NLGN4X: variants seen among roughly 807,000 people sequenced by gnomAD.
The protein encoded by NLGN4X is neuroligin 4 X-linked.
A neutral mutation model predicts 40.3 loss-of-function variants in NLGN4X; 3 were observed. The observed-to-expected ratio is 0.07, with a 90% confidence interval of 0.03 to 0.19. The LOEUF (loss-of-function observed/expected upper bound fraction) is 0.19, where lower values mean the gene tolerates loss of function less well. Among genes scored for constraint, NLGN4X ranks in the 10% least tolerant of loss-of-function variants. The pLI is 1.00. For missense variants in NLGN4X, 382 were observed against 708.3 expected, an observed-to-expected ratio of 0.54 and a Z score of 5.23; for synonymous variants, 270 against 306.8, an observed-to-expected ratio of 0.88 and a Z score of 1.25.
At chrX:6,040,486 A>G (rs865863308) in intron 2 of NLGN4X, among the ~76,000 whole-genome samples, 3 of 106,122 alleles carry the variant, frequency 2.8e-5, no homozygotes, top group Non-Finnish European at 5.9e-5. Flanking sequence ...TTAAAAAAAA[A>G]GGATTACTTA....
intron 3 of NLGN4X, among the ~76,000 whole-genome samples, chrX:6,026,301 T>C (rs983859450): frequency 7.2e-5 from 8 of 111,786 alleles, no homozygotes; most frequent in African/African-American, 2.6e-4. Context: ...ATAACATTTA[T>C]GCATTTATGA....
At chrX:6,219,432 CTCT>C (rs773817441) in intron 1 of NLGN4X, among the ~76,000 whole-genome samples, 7 of 83,253 alleles carry the variant, frequency 8.4e-5, no homozygotes, top group East Asian at 3.8e-4. Context: ...CTTCCTTTTT[CTCT>C]TCTTTCTTTC....
At chrX:5,918,339 A>G (rs1175595989) in intron 3 of NLGN4X, among the ~76,000 whole-genome samples, 2 of 112,160 alleles carry the variant, frequency 1.8e-5, no homozygotes, top group African/African-American at 6.5e-5. Context: ...CAACTTATAC[A>G]ACACTATATT....
intron 3 of NLGN4X, among the ~76,000 whole-genome samples, chrX:6,007,715 G>C (rs2036138861): frequency 9.0e-6 from 1 of 111,721 alleles, no homozygotes; most frequent in Non-Finnish European, 1.9e-5. Flanking sequence ...GGAATGGATA[G>C]AAGCTAGATA....
At chrX:6,159,719 G>C (rs1255575896) in intron 1 of NLGN4X, among the ~76,000 whole-genome samples, 1 of 111,634 alleles carries the variant, frequency 9.0e-6, no homozygotes, top group Non-Finnish European at 1.9e-5. Context: ...GAGGGCTTGT[G>C]CCAGTGACCT....
intron 2 of NLGN4X, among the ~76,000 whole-genome samples, chrX:6,126,626 C>T (rs2039554079): frequency 8.9e-6 from 1 of 111,756 alleles, no homozygotes. Flanking sequence ...TGCTCAAAGT[C>T]TTTAATAAAG....
intron 2 of NLGN4X, among the ~76,000 whole-genome samples, chrX:6,046,228 T>C (rs1347210570): frequency 9.0e-6 from 1 of 111,703 alleles, no homozygotes; most frequent in East Asian, 2.8e-4. Flanking sequence ...TCGATACCTC[T>C]TCAAAATAAT....
intron 1 of NLGN4X, among the ~76,000 whole-genome samples, chrX:6,194,526 C>A (rs1003658400): frequency 9.0e-6 from 1 of 111,348 alleles, no homozygotes; most frequent in Non-Finnish European, 1.9e-5. Flanking sequence ...CACTCAATAC[C>A]CTTCTGGGCT....
chrX:6,091,089 G>C (rs1443318965), intron 2 of NLGN4X, among the ~76,000 whole-genome samples: 4 of 109,888 alleles, frequency 3.6e-5, no homozygotes, highest in Non-Finnish European at 7.6e-5. Context: ...TGGTAGAGAG[G>C]GAGGAATAGT....
chrX:6,018,656 ACCTG>A (rs950677741), intron 3 of NLGN4X, among the ~76,000 whole-genome samples: 1 of 111,923 alleles, frequency 8.9e-6, no homozygotes, highest in Non-Finnish European at 1.9e-5. Context: ...TGTTTATCAT[ACCTG>A]CCTGTTTATG....
At chrX:5,964,142 G>T (rs1203564987) in intron 3 of NLGN4X, among the ~76,000 whole-genome samples, 1 of 111,538 alleles carries the variant, frequency 9.0e-6, no homozygotes, top group Non-Finnish European at 1.9e-5. Flanking sequence ...GTTCAGGGAA[G>T]ACTATCAACA....
chrX:6,045,849 G>A (rs1159052999), intron 2 of NLGN4X, among the ~76,000 whole-genome samples: 1 of 111,169 alleles, frequency 9.0e-6, no homozygotes, highest in African/African-American at 3.3e-5. Context: ...CAGACTCGAA[G>A]CCTATATGTT....
intron 3 of NLGN4X, among the ~76,000 whole-genome samples, chrX:5,927,764 A>C (rs1304912439): frequency 8.9e-6 from 1 of 112,176 alleles, no homozygotes; most frequent in Non-Finnish European, 1.9e-5. Flanking sequence ...TGCTTGACTA[A>C]GTCTTCCACC....
intron 3 of NLGN4X, among the ~76,000 whole-genome samples, chrX:5,915,533 C>A (rs1476286317): frequency 8.9e-6 from 1 of 112,005 alleles, no homozygotes; most frequent in Admixed American, 9.5e-5. Context: ...CTCTTTGAGT[C>A]AACTTTGAGT....
At chrX:6,172,649 G>A (rs1408350036) in intron 1 of NLGN4X, among the ~76,000 whole-genome samples, 1 of 111,476 alleles carries the variant, frequency 9.0e-6, no homozygotes, top group Non-Finnish European at 1.9e-5. Context: ...ACCTCCAGAT[G>A]ATTCTTTTTT....
chrX:6,159,421 G>A (rs1332051057), intron 1 of NLGN4X, among the ~76,000 whole-genome samples: 1 of 112,062 alleles, frequency 8.9e-6, no homozygotes, highest in Non-Finnish European at 1.9e-5. Context: ...ATTTTACAAT[G>A]AAAATTTAAT....
At chrX:6,138,728 G>A (rs1435493673) in intron 2 of NLGN4X, among the ~76,000 whole-genome samples, 3 of 110,764 alleles carry the variant, frequency 2.7e-5, no homozygotes, top group Non-Finnish European at 3.8e-5. Context: ...GTTAATGAAC[G>A]GGAAAATACT....
At chrX:6,166,745 TC>T (rs931781298) in intron 1 of NLGN4X, among the ~76,000 whole-genome samples, 3 of 110,572 alleles carry the variant, frequency 2.7e-5, no homozygotes, top group African/African-American at 9.9e-5. Flanking sequence ...GCTGTTCTCT[TC>T]CCTTGGAAGA....
At chrX:5,919,053 C>T (rs1453487909) in intron 3 of NLGN4X, among the ~76,000 whole-genome samples, 1 of 112,270 alleles carries the variant, frequency 8.9e-6, no homozygotes, top group Non-Finnish European at 1.9e-5. Flanking sequence ...AGATTTCTCT[C>T]TGAGAATTAA....
Sources: allele counts gnomAD v4.1 joint callset (sites outside exome capture counted in the v4.1 genomes callset), GRCh38; gene constraint gnomAD v4.1.1; transcripts MANE v1.5; gene names NCBI Gene and HGNC (gene_info 2026-07-23, HGNC 2026-07-21).